The following CCSER2 variants were observed in gnomAD, a reference collection of about 807,000 sequenced individuals.
The protein encoded by CCSER2 is serine-rich coiled-coil domain-containing protein 2.
Under a neutral mutation model 92.3 loss-of-function variants are expected in CCSER2, and 46 were observed. The ratio of observed to expected loss-of-function variants is 0.50; its 90% confidence interval spans 0.39 to 0.64. The LOEUF is 0.64. Ranked by LOEUF, CCSER2 falls within the 30% of genes least tolerant of loss-of-function variation. CCSER2 has a pLI of 0.00. For missense variants in CCSER2, 1,244 were observed against 1,238.9 expected (o/e 1.00, Z -0.06); for synonymous variants, 433 against 431.4 (o/e 1.00, Z -0.04).
intron 5 of CCSER2, 129 bp downstream of exon 5, chr10:84,426,022 A>C (rs1219331703): frequency 2.0e-6 from 1 of 506,196 alleles, no homozygotes; most frequent in Admixed American, 4.0e-5. Context: ...AAAGCACTTC[A>C]AGTTTTATGT....
At chr10:84,489,353 T>C (rs994616408) in intron 9 of CCSER2, among the ~76,000 whole-genome samples, 8 of 152,116 alleles carry the variant, frequency 5.3e-5, no homozygotes, top group Non-Finnish European at 1.0e-4. Context: ...AAGTCTTTCA[T>C]TATTATTGTG....
At chr10:84,341,567 G>T (rs761157423) in intron 1 of CCSER2, among the ~76,000 whole-genome samples, 1 of 152,022 alleles carries the variant, frequency 6.6e-6, no homozygotes, top group Non-Finnish European at 1.5e-5. Context: ...CTCCAGTGAA[G>T]AACAGCTGGT....
At chr10:84,345,916 T>C (rs1288004638) in intron 1 of CCSER2, among the ~76,000 whole-genome samples, 1 of 152,204 alleles carries the variant, frequency 6.6e-6, no homozygotes, top group African/African-American at 2.4e-5. Flanking sequence ...TATGTCTCCT[T>C]TGCTATTGAA....
At chr10:84,437,166 GAGAGAGAGACAGAGAGAC>G (rs1844218493) in intron 5 of CCSER2, among the ~76,000 whole-genome samples, 1 of 151,468 alleles carries the variant, frequency 6.6e-6, no homozygotes, top group African/African-American at 2.4e-5. Context: ...GAGAGAGAGA[GAGAGAGAGACAGAGAGAC>G]AGAGAGAGAC....
At chr10:84,488,181 G>A (rs933005848) in intron 9 of CCSER2, among the ~76,000 whole-genome samples, 6 of 152,138 alleles carry the variant, frequency 3.9e-5, no homozygotes, top group African/African-American at 1.4e-4. Context: ...TGTTCATCAG[G>A]GATATTGGTC....
intron 9 of CCSER2, among the ~76,000 whole-genome samples, chr10:84,508,255 G>T (rs1242681040): frequency 1.3e-5 from 2 of 152,156 alleles, no homozygotes; most frequent in African/African-American, 2.4e-5. Flanking sequence ...GATCATGCAT[G>T]CAGACTCAAG....
At chr10:84,499,933 G>A (rs779512549) in intron 9 of CCSER2, 13 of 1,613,788 alleles carry the variant, frequency 8.1e-6, no homozygotes, top group South Asian at 1.1e-5. Context: ...GGGATCCCAC[G>A]GACTGTTCCA....
chr10:84,423,631 GC>G (rs1286199980), intron 4 of CCSER2, among the ~76,000 whole-genome samples: 10 of 152,054 alleles, frequency 6.6e-5, no homozygotes, highest in Non-Finnish European at 1.5e-4. Flanking sequence ...AATATTTCTT[GC>G]TTTGGGAGTG....
chr10:84,502,110 A>G lies in CCSER2; in HGVS notation c.2326-11339A>G, dbSNP rs186158412. ...AGAACAGCTAAAGCAGTTTACTAAT[A>G]AAGGGTTTTTTTTTAGTTATAAAAT... On this transcript the variant is annotated intron_variant, in intron 9 of 9. Coordinates refer to ENST00000372088, the MANE Select transcript of CCSER2 (RefSeq NM_001284240.2). Among the ~76,000 whole-genome samples, 1,073 of 150,908 alleles carry G rather than the reference A, an allele frequency of 7.1e-3. 10 individuals are homozygous for G. Among genetic ancestry groups the G allele is most frequent in the African/African-American group, 0.025 (1,015 of 41,346 alleles).
At chr10:84,460,498 T>C (rs113819672) in intron 6 of CCSER2, among the ~76,000 whole-genome samples, 38 of 152,196 alleles carry the variant, frequency 2.5e-4, no homozygotes, top group African/African-American at 7.7e-4. Flanking sequence ...GCCTCATTAA[T>C]TGATTTTATT....
chr10:84,477,577 A>G lies in CCSER2; in HGVS notation c.2238A>G (p.Ala746=). The part of the protein sequence containing the change: ...EKIQLLELQL[A]TQHICHQKCK... ...AAAAATTTTGTGTTTTTGTTTAGGC[A>G]ACTCAGCATATCTGCCACCAAAAAT... Residue 746 remains alanine (A), a splice_region_variant and synonymous_variant, in exon 9 of 10, where the codon GCA becomes GCG. Coordinates refer to ENST00000372088, the MANE Select transcript of CCSER2 (RefSeq NM_001284240.2). 2 of 1,602,430 alleles carry G rather than the reference A, an allele frequency of 1.2e-6. No individual in the cohort carries two copies. The highest frequency in any genetic ancestry group is 8.5e-7 in the Non-Finnish European group (1 of 1,170,336).
chr10:84,397,364 A>G (rs1291645192), intron 3 of CCSER2, among the ~76,000 whole-genome samples: 2 of 152,204 alleles, frequency 1.3e-5, no homozygotes, highest in Non-Finnish European at 2.9e-5. Flanking sequence ...ACTTCATTTG[A>G]TGTAATATAC....
chr10:84,338,487 G>GA (rs368847532), intron 1 of CCSER2, among the ~76,000 whole-genome samples: 110 of 151,580 alleles, frequency 7.3e-4, no homozygotes, highest in African/African-American at 2.6e-3. Flanking sequence ...TTTCAACAGA[G>GA]AAAAAAAATG....
intron 6 of CCSER2, among the ~76,000 whole-genome samples, chr10:84,449,661 C>G (rs1276472292): frequency 1.3e-5 from 2 of 152,072 alleles, no homozygotes; most frequent in African/African-American, 4.8e-5. Flanking sequence ...TCGAGACCAG[C>G]CTGATCAACA....
intron 8 of CCSER2, 23 bp downstream of exon 8, chr10:84,470,481 TAGAG>T: frequency 7.3e-7 from 1 of 1,367,984 alleles, no homozygotes; most frequent in Non-Finnish European, 9.6e-7. Flanking sequence ...GTATAATGTA[TAGAG>T]ACTTTTCAAA....
At chr10:84,424,925 A>G (rs906690852) in intron 4 of CCSER2, 2 of 921,634 alleles carry the variant, frequency 2.2e-6, no homozygotes, top group Non-Finnish European at 2.6e-6. Context: ...AGCAGGAAGG[A>G]AGGCCTGTTC....
At chr10:84,354,192 G>A (rs117363375) in intron 1 of CCSER2, among the ~76,000 whole-genome samples, 5,914 of 151,690 alleles carry the variant, frequency 0.039, 145 homozygotes, top group Admixed American at 0.067. Flanking sequence ...GACAGAGGGA[G>A]ACTCTATCTC....
chr10:84,387,196 A>ATTCCTCC (rs1841262179), intron 3 of CCSER2, among the ~76,000 whole-genome samples: 1 of 152,118 alleles, frequency 6.6e-6, no homozygotes, highest in African/African-American at 2.4e-5. Context: ...GCTCCCATCT[A>ATTCCTCC]TTCCTCCTTT....
chr10:84,431,702 A>T (rs1465754658), intron 5 of CCSER2, among the ~76,000 whole-genome samples: 1 of 152,008 alleles, frequency 6.6e-6, no homozygotes, highest in Non-Finnish European at 1.5e-5. Context: ...AGATCACCCC[A>T]CTCTCCAGCC....
Sources: allele counts gnomAD v4.1 joint callset (sites outside exome capture counted in the v4.1 genomes callset), GRCh38; gene constraint gnomAD v4.1.1; transcripts MANE v1.5; gene names NCBI Gene and HGNC (gene_info 2026-07-23, HGNC 2026-07-21).